The following ARHGAP40 variants were observed in gnomAD, a reference collection of about 807,000 sequenced individuals.
ARHGAP40 encodes the protein rho GTPase-activating protein 40.
A neutral mutation model predicts 73.5 loss-of-function variants in ARHGAP40; 43 were observed. The ratio of observed to expected loss-of-function variants is 0.58; its 90% CI spans 0.46 to 0.75. The LOEUF (loss-of-function observed/expected upper bound fraction) is 0.75. ARHGAP40 is among the 30% of genes least tolerant of loss of function. The probability of loss-of-function intolerance (pLI) is 0.00; values close to 1 mark genes in which losing one functional copy is unlikely to be tolerated. For missense variants in ARHGAP40, 734 were observed against 861.8 expected, an observed-to-expected ratio of 0.85 and a Z score of 1.86; for synonymous variants, 300 against 352.8, an observed-to-expected ratio of 0.85 and a Z score of 1.68.
chr20:38,631,947 A>ATATT (rs958765600), intron 5 of ARHGAP40, among the ~76,000 whole-genome samples: 130 of 152,202 alleles, frequency 8.5e-4, no homozygotes, highest in African/African-American at 2.7e-3. Context: ...AATAACATTT[A>ATATT]TATTTATTTA....
In ARHGAP40 at chr20:38,614,782, T is replaced by A. The variant is rs144589144; in HGVS notation, c.138-8577T>A. 125 of 641,538 alleles carry A rather than the reference T, an allele frequency of 1.9e-4. No individual in the cohort carries two copies. In the African/African-American group the frequency reaches 2.1e-3, roughly 11 times the overall value. The allele number at this position is 641,538 out of a possible 1,614,324, so 39.7% of individuals were successfully genotyped here. On this transcript the variant is annotated intron_variant, in intron 1 of 14. Coordinates refer to ENST00000373345, the Ensembl canonical transcript of ARHGAP40. ...ACTTGTTGCTTCTCCAACAATGTCA[T>A]GAATCCATTCCTTGCACCATCGCAC...
Position 38,626,983 on chromosome 20 carries a change from T to A in ARHGAP40, c.338-12T>A, listed in dbSNP as rs1398847073. ...CTGTGTGTGTTCATCTGGGTTCTAC[T>A]TCTGTTGGCAGAAGGGGAAGCTGAA... On this transcript the variant is annotated splice_polypyrimidine_tract_variant and intron_variant, in intron 2 of 14. Transcript: ENST00000373345. The A allele has an allele frequency of 1.3e-5, 17 of 1,302,876 alleles. No individual in the cohort carries two copies. Among genetic ancestry groups the A allele is most frequent in the Non-Finnish European group, 1.6e-5 (16 of 988,366 alleles). 80.7% of individuals were successfully genotyped at this position (1,302,876 alleles called of 1,614,324 possible).
chr20:38,643,721 C>T lies in ARHGAP40; in HGVS notation c.1380C>T (p.Leu460=), dbSNP rs1185385962. 3.1e-6 allele frequency: 4 copies of T among 1,305,694 alleles called. No homozygotes were observed. In the African/African-American group the frequency reaches 6.1e-5, roughly 20 times the overall value. 80.9% of individuals were successfully genotyped at this position (1,305,694 alleles called of 1,614,324 possible). A position where few individuals can be genotyped will look rare whatever the true frequency, so the allele number is the denominator to read the frequency against. The stretch of plus-strand genomic sequence containing the variant: ...TTCCCTAGGCACTGCTGGAATTCCT[C>T]AGGAAGGTGGTGGCCCGGGAACAGC... Residue 460 remains leucine, a synonymous_variant, in exon 11 of 15, where the codon CTC becomes CTT. Coordinates refer to ENST00000373345, the Ensembl canonical transcript of ARHGAP40.
chr20:38,605,778 A>G (rs1402365048), intron 1 of ARHGAP40, among the ~76,000 whole-genome samples: 3 of 152,392 alleles, frequency 2.0e-5, no homozygotes, highest in East Asian at 3.9e-4. Flanking sequence ...ATCCATGCAC[A>G]TAATTGTACT....
chr20:38,629,571 C>T (rs753411470), exon 5 of ARHGAP40: 1 of 1,305,414 alleles, frequency 7.7e-7, no homozygotes, highest in Non-Finnish European at 1.0e-6. Flanking sequence ...TCTGCCTACT[C>T]AGAACAAGCT....
At position 38,634,925 on chromosome 20, in the gene ARHGAP40, A is replaced by C. The variant is rs1478395310; in HGVS notation, c.949+140A>C. On this transcript the variant is annotated intron_variant, in intron 6 of 14. Coordinates refer to ENST00000373345, the Ensembl canonical transcript of ARHGAP40. Reference sequence around the variant, plus strand: ...TGAGACGGAGTCTCGCTCTGTCACCAGGCTGGAGTGCAGTGATGTGATCTC... The same window carrying C: ...TGAGACGGAGTCTCGCTCTGTCACCCGGCTGGAGTGCAGTGATGTGATCTC... 1.6e-5 allele frequency: 15 copies of C among 964,150 alleles called. No individual in the cohort carries two copies. In the East Asian group the frequency reaches 9.0e-4, roughly 58 times the overall value. 59.7% of individuals were successfully genotyped at this position (964,150 alleles called of 1,614,324 possible).
intron 8 of ARHGAP40, among the ~76,000 whole-genome samples, 155 bp from the exon 9 acceptor site, chr20:38,639,072 A>G (rs1285468642): frequency 1.3e-5 from 2 of 152,174 alleles, no homozygotes; most frequent in Non-Finnish European, 2.9e-5. Context: ...AGTGACACGC[A>G]CGTTAGACCA....
At chr20:38,634,388 G>A (rs371238269) in intron 5 of ARHGAP40, among the ~76,000 whole-genome samples, 1 of 152,144 alleles carries the variant, frequency 6.6e-6, no homozygotes, top group Non-Finnish European at 1.5e-5. Context: ...AAAACCTTCT[G>A]AGGTAGGCTC....
At chr20:38,650,051 AG>A in exon 15 of ARHGAP40, 1 of 368,306 alleles carries the variant, frequency 2.7e-6, no homozygotes, top group Non-Finnish European at 5.3e-6. Context: ...ATGAGGGGCT[AG>A]GGCCTCAGGG....
At chr20:38,630,573 G>T (rs2088932410) in intron 5 of ARHGAP40, among the ~76,000 whole-genome samples, 1 of 152,000 alleles carries the variant, frequency 6.6e-6, no homozygotes, top group Non-Finnish European at 1.5e-5. Context: ...TTCCAAATAG[G>T]ATGTAATCAT....
rs220526 is a variant in ARHGAP40, at chr20:38,648,628, C to G, written c.1881-15C>G. 1.3e-5 allele frequency: 17 copies of G among 1,296,482 alleles called. No homozygotes were observed. Among genetic ancestry groups the G allele is most frequent in the Admixed American group, 2.4e-5 (1 of 41,746 alleles). 80.3% of individuals were successfully genotyped at this position (1,296,482 alleles called of 1,614,324 possible). The stretch of plus-strand genomic sequence containing the variant: ...AAAGGCAGTAGTTTTTTTTTTCTCT[C>G]TCTCTGTTTTACAGCCATAGGTCCA... On this transcript the variant is annotated splice_polypyrimidine_tract_variant and intron_variant, in intron 13 of 14. Coordinates refer to ENST00000373345, the Ensembl canonical transcript of ARHGAP40.
intron 9 of ARHGAP40, among the ~76,000 whole-genome samples, chr20:38,639,911 A>G (rs753873171): frequency 1.3e-5 from 2 of 152,236 alleles, no homozygotes; most frequent in Non-Finnish European, 2.9e-5. Flanking sequence ...AAAAAAATAC[A>G]GCAGCTCTCC....
rs191718217 is a variant in ARHGAP40, at chr20:38,611,235, C to T, written c.137+9156C>T. Among the ~76,000 whole-genome samples the T allele has an allele frequency of 2.6e-5, 4 of 152,088 alleles. No individual in the cohort carries two copies. In the East Asian group the frequency reaches 7.8e-4, roughly 30 times the overall value. On this transcript the variant is annotated intron_variant, in intron 1 of 14. Coordinates refer to ENST00000373345, the Ensembl canonical transcript of ARHGAP40. ...ATGCTGGTCAGATGCTGTGCCTAAA[C>T]TACAAAAGGGAGGAGCGTATAATGA...
In ARHGAP40 at chr20:38,634,741, G is replaced by A. The variant is rs371424502; in HGVS notation, c.905G>A (p.Gly302Asp). 1.9e-5 allele frequency: 25 copies of A among 1,303,898 alleles called. No homozygotes were observed. In the African/African-American group the frequency reaches 3.8e-4, roughly 20 times the overall value. The allele number at this position is 1,303,898 out of a possible 1,614,324, so 80.8% of individuals were successfully genotyped here. ...CTGACCGCGCTCTGTGACATCCTCG[G>A]CTTGGACCTGAAGAGGAGCAAGGCG... The change falls in exon 6 of 15, where the codon GGC becomes GAC. Residue 302 changes from glycine (G) to aspartate (D), a missense_variant. By Grantham distance (94) the Gly-to-Asp change is moderately conservative. Transcript: ENST00000373345.
chr20:38,639,524 A>T, intron 9 of ARHGAP40, 138 bp downstream of exon 9: 1 of 1,044,348 alleles, frequency 9.6e-7, no homozygotes, highest in Non-Finnish European at 1.3e-6. Context: ...CTGATGGGGG[A>T]AGAAGCAAGT....
chr20:38,630,092 T>C (rs1026165283), intron 5 of ARHGAP40, among the ~76,000 whole-genome samples: 5 of 95,404 alleles, frequency 5.2e-5, no homozygotes, highest in African/African-American at 1.4e-4. Context: ...TTTTCTTTCT[T>C]TCTTTCTTTG....
At chr20:38,631,702 A>G (rs1037748063) in intron 5 of ARHGAP40, among the ~76,000 whole-genome samples, 13 of 152,188 alleles carry the variant, frequency 8.5e-5, no homozygotes, top group African/African-American at 2.4e-4. Flanking sequence ...CACAAAGGCC[A>G]GGACAGGAAC....
intron 10 of ARHGAP40, among the ~76,000 whole-genome samples, chr20:38,642,101 G>T (rs1158665854): frequency 6.6e-6 from 1 of 152,162 alleles, no homozygotes; most frequent in Non-Finnish European, 1.5e-5. Context: ...CATGAAACAA[G>T]GTTAAGAATA....
rs1014554456 is a variant in ARHGAP40, at chr20:38,643,685, G to C, written c.1363-19G>C. The C allele has an allele frequency of 1.5e-6, 2 of 1,304,906 alleles. No homozygotes were observed. The highest frequency in any genetic ancestry group is 2.0e-6 in the Non-Finnish European group (2 of 988,496). 80.8% of individuals were successfully genotyped at this position (1,304,906 alleles called of 1,614,324 possible). On this transcript the variant is annotated intron_variant, in intron 10 of 14. Transcript: ENST00000373345. ...AGGGATGGGCTGAGATTTGAGGGAG[G>C]CTCTGCACCCTTCCCTAGGCACTGC...
Sources: gnomAD v4.1 joint callset for allele counts (sites outside exome capture counted in the v4.1 genomes callset) on GRCh38, gnomAD v4.1.1 for gene constraint, MANE v1.5 for transcripts, NCBI Gene and HGNC (gene_info 2026-07-23, HGNC 2026-07-21) for gene names.